ERGIC2: variants seen among roughly 807,000 people sequenced by gnomAD.
The protein encoded by ERGIC2 is ERGIC and golgi 2, also known as endoplasmic reticulum-Golgi intermediate compartment protein 2.
ERGIC2 carries 31 observed loss-of-function variants against 52.5 expected under a neutral mutation model. The ratio of observed to expected loss-of-function variants is 0.59; its 90% CI spans 0.44 to 0.80. The LOEUF is 0.80. ERGIC2 is among the 30% of genes least tolerant of loss of function. The pLI is 0.00. For synonymous variants in ERGIC2, 129 were observed against 140.6 expected (o/e 0.92, Z 0.58); for missense variants, 395 against 455.2 (o/e 0.87, Z 1.20).
At chr12:29,380,433 TAA>T (rs1389429140) in intron 1 of ERGIC2, 1 of 152,164 alleles carries the variant, frequency 6.6e-6, no homozygotes, top group African/African-American at 2.4e-5. Context: ...CACTAAAATA[TAA>T]AAGTTATTTA....
intron 1 of ERGIC2, among the ~76,000 whole-genome samples, chr12:29,380,397 G>A (rs758076961): frequency 4.0e-5 from 6 of 151,848 alleles, no homozygotes; most frequent in African/African-American, 7.2e-5. Flanking sequence ...CAGCTATTAT[G>A]CCACTTTGTC....
chr12:29,347,144 C>T (rs1940064080), intron 10 of ERGIC2, among the ~76,000 whole-genome samples: 1 of 152,210 alleles, frequency 6.6e-6, no homozygotes, highest in African/African-American at 2.4e-5. Flanking sequence ...ACTTCTCTCT[C>T]ACTCATGGAA....
At chr12:29,354,817 T>TG (rs1940179978) in intron 8 of ERGIC2, among the ~76,000 whole-genome samples, 2 of 152,186 alleles carry the variant, frequency 1.3e-5, no homozygotes, top group African/African-American at 4.8e-5. Context: ...CTCTTTGAGT[T>TG]GGTTGTGGAC....
chr12:29,368,969 C>A (rs898571141), intron 3 of ERGIC2, among the ~76,000 whole-genome samples: 2 of 151,856 alleles, frequency 1.3e-5, no homozygotes, highest in African/African-American at 4.8e-5. Flanking sequence ...TTTCGAATAC[C>A]AGAATGAAGC....
rs763332425 is a variant in ERGIC2, at chr12:29,339,426, C to A, written c.*1730G>T. 1 of 152,102 alleles carries A rather than the reference C, an allele frequency of 6.6e-6. No homozygotes were observed. Among genetic ancestry groups the A allele is most frequent in the Non-Finnish European group, 1.5e-5 (1 of 68,000 alleles). The allele number at this position is 152,102 out of a possible 1,614,324, so 9.4% of individuals were successfully genotyped here. On this transcript the variant is annotated 3_prime_UTR_variant, in exon 14 of 14. Transcript: ENST00000360150. ...CATACTTAAAGGACCAACAATCAGT[C>A]TACAATTCTAATCCTTTCCTATTAA...
chr12:29,376,262 G>T (rs1343642617), intron 1 of ERGIC2, among the ~76,000 whole-genome samples: 1 of 152,142 alleles, frequency 6.6e-6, no homozygotes, highest in Non-Finnish European at 1.5e-5. Context: ...TACATAGCAG[G>T]TGGTAGAACT....
At chr12:29,346,024 A>T (rs1029659911) in intron 10 of ERGIC2, among the ~76,000 whole-genome samples, 10 of 152,070 alleles carry the variant, frequency 6.6e-5, no homozygotes, top group African/African-American at 1.2e-4. Context: ...AAAAATTTTT[A>T]AAAGAACCAA....
rs1396127335 is a variant in ERGIC2 at position 29,361,635 on chromosome 12, C to T, written c.374+10G>A. On this transcript the variant is annotated intron_variant, in intron 6 of 13. Coordinates refer to ENST00000360150, the MANE Select transcript of ERGIC2 (RefSeq NM_016570.3). ...TTTCTATGGACCACAATACTTTGTT[C>T]TCTTATTACCTCTGCCACTCTTTCT... 1 of 1,595,682 alleles carries T rather than the reference C, an allele frequency of 6.3e-7. No individual in the cohort carries two copies. Among genetic ancestry groups the T allele is most frequent in the East Asian group, 2.3e-5 (1 of 44,284 alleles).
At chr12:29,346,926 TG>T (rs1292408636) in intron 10 of ERGIC2, among the ~76,000 whole-genome samples, 1 of 152,196 alleles carries the variant, frequency 6.6e-6, no homozygotes, top group African/African-American at 2.4e-5. Context: ...ATTATCCTTT[TG>T]TTAGAGATGA....
rs1949813652 is a variant in ERGIC2, at chr12:29,338,549, CAGG to C, written c.*2604_*2606del. 6.6e-6 allele frequency: 1 copy of C among 152,068 alleles called. No homozygotes were observed. Among genetic ancestry groups the C allele is most frequent in the Admixed American group, 6.6e-5 (1 of 15,250 alleles). The allele number at this position is 152,068 out of a possible 1,614,324, so 9.4% of individuals were successfully genotyped here. The stretch of plus-strand genomic sequence containing the variant: ...GTCCTACCTACTCAGCAGATGGAAG[CAGG>C]AGGATTGCTTGAACCCAGGAGTTCG... On this transcript the variant is annotated 3_prime_UTR_variant, in exon 14 of 14. Coordinates refer to ENST00000360150, the MANE Select transcript of ERGIC2 (RefSeq NM_016570.3).
intron 11 of ERGIC2, among the ~76,000 whole-genome samples, chr12:29,344,337 C>T (rs990654768): frequency 1.8e-4 from 27 of 152,116 alleles, no homozygotes; most frequent in African/African-American, 6.0e-4. Context: ...TGCTAAACTA[C>T]CTTCCTCAAA....
chr12:29,368,389 TA>T, intron 3 of ERGIC2, 102 bp from the exon 4 acceptor site: 1 of 633,052 alleles, frequency 1.6e-6, no homozygotes, highest in Non-Finnish European at 2.8e-6. Flanking sequence ...TCAAGCAGAA[TA>T]AATTATGTCG....
At chr12:29,351,022 G>A (rs1157317594) in intron 8 of ERGIC2, among the ~76,000 whole-genome samples, 1 of 152,002 alleles carries the variant, frequency 6.6e-6, no homozygotes, top group African/African-American at 2.4e-5. Context: ...CTCAATAATT[G>A]TAACTGATGG....
Position 29,341,738 on chromosome 12 carries a change from T to C in ERGIC2, c.1067A>G (p.Asn356Ser), listed in dbSNP as rs375534310. Residue 356 changes from asparagine (N) to serine (S), a missense_variant, in exon 13 of 14, where the codon AAT becomes AGT. By Grantham distance (46) the Asn-to-Ser change is conservative (BLOSUM62 1). Transcript: ENST00000360150. ...RFRLGSYKPV[N>S]SVPFEDGHTD... ...CATGTATACTACACCACTTACAGAA[T>C]TGACAGGTTTATAGGATCCAAGTCT... 41 of 1,559,550 alleles carry C rather than the reference T, an allele frequency of 2.6e-5. No homozygotes were observed. The highest frequency in any genetic ancestry group is 4.1e-5 in the African/African-American group (3 of 73,722).
At chr12:29,359,376 C>T (rs1003140339) in intron 6 of ERGIC2, among the ~76,000 whole-genome samples, 5 of 151,672 alleles carry the variant, frequency 3.3e-5, no homozygotes, top group Non-Finnish European at 7.4e-5. Context: ...ACTATACATA[C>T]GTGTATATGT....
At chr12:29,378,773 CAG>C (rs948660049) in intron 1 of ERGIC2, among the ~76,000 whole-genome samples, 1 of 152,032 alleles carries the variant, frequency 6.6e-6, no homozygotes, top group Non-Finnish European at 1.5e-5. Context: ...AGTTTATAAT[CAG>C]AAAACCCTGA....
intron 10 of ERGIC2, among the ~76,000 whole-genome samples, chr12:29,347,716 A>G (rs935396628): frequency 1.3e-5 from 2 of 152,216 alleles, no homozygotes; most frequent in African/African-American, 2.4e-5. Context: ...GACATAGCAG[A>G]TATGTAATGT....
chr12:29,347,199 T>C (rs1437987928), intron 10 of ERGIC2, among the ~76,000 whole-genome samples: 1 of 152,214 alleles, frequency 6.6e-6, no homozygotes, highest in Admixed American at 6.5e-5. Context: ...GCTAAGCCAC[T>C]CAATTAGATA....
At position 29,339,175 on chromosome 12, in the gene ERGIC2, A is replaced by C. The variant is rs1381913832; in HGVS notation, c.*1981T>G. 1 of 152,244 alleles carries C rather than the reference A, an allele frequency of 6.6e-6. No homozygotes were observed. Among genetic ancestry groups the C allele is most frequent in the Non-Finnish European group, 1.5e-5 (1 of 68,042 alleles). 9.4% of individuals were successfully genotyped at this position (152,244 alleles called of 1,614,324 possible). The stretch of plus-strand genomic sequence containing the variant: ...AAAGGCAAAGCAGAATTTTGCTTTA[A>C]AGAAATTCCTTTCATAGGAGATAAA... On this transcript the variant is annotated 3_prime_UTR_variant, in exon 14 of 14. Transcript: ENST00000360150.
Sources: gnomAD v4.1 joint callset for allele counts (sites outside exome capture counted in the v4.1 genomes callset) on GRCh38, gnomAD v4.1.1 for gene constraint, MANE v1.5 for transcripts, NCBI Gene and HGNC (gene_info 2026-07-23, HGNC 2026-07-21) for gene names.